SLC7A10: variants seen among roughly 807,000 people sequenced by gnomAD.
The protein encoded by SLC7A10 is asc-type amino acid transporter 1.
A neutral mutation model predicts 52.7 loss-of-function variants in SLC7A10; 30 were observed. That is an observed-to-expected ratio of 0.57 (90% confidence interval 0.43 to 0.77). SLC7A10 has a LOEUF of 0.77. Ranked by LOEUF, SLC7A10 falls within the 30% of genes least tolerant of loss-of-function variation. The pLI is 0.00. For missense variants in SLC7A10, 581 were observed against 698.5 expected (o/e 0.83, Z 1.90); for synonymous variants, 318 against 314.9 (o/e 1.01, Z -0.10).
Position 33,210,530 on chromosome 19 carries a change from G to A in SLC7A10, c.1200C>T (p.Gly400=), listed in dbSNP as rs202040789. Residue 400 remains glycine, a synonymous_variant, in exon 9 of 11, where the codon GGC becomes GGT. Transcript: ENST00000253188. This position sits in a 1 kb window ranked among gnomAD's most constrained non-coding sequence, Gnocchi z 5.6. ...YVSFINYLCY[G]VTILGLLLLR... is the part of the protein sequence containing the mutation. ...GCAGCAGCAGGCCCAGGATGGTGAC[G>A]CCGTAGCAGAGGTAGTTGATGAAGG... 5.0e-6 allele frequency: 8 copies of A among 1,611,030 alleles called. No individual in the cohort carries two copies. The highest frequency in any genetic ancestry group is 3.3e-5 in the South Asian group (3 of 91,074).
Position 33,225,778 on chromosome 19 carries a change from C to T in SLC7A10, c.-75G>A. 1.4e-6 allele frequency: 2 copies of T among 1,408,812 alleles called. No individual in the cohort carries two copies. Among genetic ancestry groups the T allele is most frequent in the Non-Finnish European group, 1.8e-6 (2 of 1,083,580 alleles). The allele number at this position is 1,408,812 out of a possible 1,614,324, so 87.3% of individuals were successfully genotyped here. A position where few individuals can be genotyped will look rare whatever the true frequency, so the allele number is the denominator to read the frequency against. On this transcript the variant is annotated 5_prime_UTR_variant, in exon 1 of 11. Coordinates refer to ENST00000253188, the MANE Select transcript of SLC7A10 (RefSeq NM_019849.3). ...CCGGCCGCCCGTCGGTCCGTCGGTC[C>T]GTGAGCTCACGGCCCTCGCAGCCGG...
At chr19:33,215,626 ATCCACCCCCCACACCTTCT>A in intron 2 of SLC7A10, 124 bp downstream of exon 2, 4 of 306,854 alleles carry the variant, frequency 1.3e-5, no homozygotes, top group Non-Finnish European at 1.4e-5. Context: ...CCTTCTCTCC[ATCCACCCCCCACACCTTCT>A]CTCCATCCAC....
At chr19:33,219,108 T>A (rs1252102407) in intron 1 of SLC7A10, among the ~76,000 whole-genome samples, 1 of 152,014 alleles carries the variant, frequency 6.6e-6, no homozygotes, top group Non-Finnish European at 1.5e-5. Flanking sequence ...CACGTTCCTG[T>A]CCACCCGGTG....
intron 2 of SLC7A10, among the ~76,000 whole-genome samples, chr19:33,215,338 C>T (rs1974648522): frequency 6.6e-6 from 1 of 151,876 alleles, no homozygotes; most frequent in South Asian, 2.1e-4. Flanking sequence ...TTCCTTGCTC[C>T]TCATGCAACA....
At chr19:33,225,424 C>CT in intron 1 of SLC7A10, 129 bp downstream of exon 1, 1 of 1,195,084 alleles carries the variant, frequency 8.4e-7, no homozygotes, top group South Asian at 1.3e-5. Context: ...ATAGCGCTCT[C>CT]TGAGGCCAGA....
chr19:33,225,687 T>G lies in SLC7A10; in HGVS notation c.17A>C (p.Gln6Pro). The change falls in exon 1 of 11, where the codon CAG (glutamine) becomes CCG (proline). Residue 6 changes from glutamine to proline, a missense_variant. Coordinates refer to ENST00000253188, the MANE Select transcript of SLC7A10 (RefSeq NM_019849.3). ...GGGGTTCCCGCGCCCGCTCGGCTGCTGCGTGTGGCCGGCCATGTCGCTGTC... is the reference window on the plus strand; with the variant it reads ...GGGGTTCCCGCGCCCGCTCGGCTGCGGCGTGTGGCCGGCCATGTCGCTGTC... MAGHT[Q>P]QPSGRGNPRP... 6.5e-7 allele frequency: 1 copy of G among 1,543,862 alleles called. No homozygotes were observed. The highest frequency in any genetic ancestry group is 1.9e-5 in the Admixed American group (1 of 53,060).
rs1363837676 is a variant in SLC7A10, at chr19:33,209,387, G to A, written c.1362C>T (p.Ile454=). 1 of 1,614,112 alleles carries A rather than the reference G, an allele frequency of 6.2e-7. No individual in the cohort carries two copies. Residue 454 remains isoleucine, a synonymous_variant, in exon 10 of 11, where the codon ATC becomes ATT. Transcript: ENST00000253188. ...AAATGGGCACCCCCGTAAGGATGATGATGACGCCGACCCCACAGACCATAG... is the reference window on the plus strand; with the variant it reads ...AAATGGGCACCCCCGTAAGGATGATAATGACGCCGACCCCACAGACCATAG... ...SEPMVCGVGV[I]IILTGVPIFF... is the part of the protein sequence containing the mutation.
rs139400823 is a variant in SLC7A10 at position 33,210,594 on chromosome 19, A to G, written c.1136T>C (p.Met379Thr). The change falls in exon 9 of 11, where the codon ATG (methionine) becomes ACG (threonine). Residue 379 changes from methionine (M) to threonine (T), a missense_variant. Met to Thr is a moderately conservative substitution (Grantham distance 81). Transcript: ENST00000253188. This position sits in a 1 kb window ranked among gnomAD's most constrained non-coding sequence, Gnocchi z 5.6. ...GAGCGTGTACGTGTCGCCCACGAGC[A>G]TGATGACGGCTGTGGCCCCGCACTG... The part of the protein sequence containing the change: ...LVCCGATAVI[M>T]LVGDTYTLIN... 1.9e-6 allele frequency: 3 copies of G among 1,611,968 alleles called. No individual in the cohort carries two copies. Among genetic ancestry groups the G allele is most frequent in the Admixed American group, 3.3e-5 (2 of 60,036 alleles).
chr19:33,216,019 G>T, intron 1 of SLC7A10, 46 bp from the exon 2 acceptor site: 13 of 1,481,734 alleles, frequency 8.8e-6, no homozygotes, highest in Non-Finnish European at 1.2e-5. Flanking sequence ...GGTCCCCTTC[G>T]CAGCCCGGCC....
intron 1 of SLC7A10, among the ~76,000 whole-genome samples, chr19:33,217,383 G>A (rs1379582549): frequency 6.6e-6 from 1 of 152,206 alleles, no homozygotes; most frequent in African/African-American, 2.4e-5. Flanking sequence ...TTCCCAGGAT[G>A]AGCAAGACTC....
At chr19:33,215,645 T>TCTCCATCCAGCCCCCACACCTTCC in intron 2 of SLC7A10, 124 bp downstream of exon 2, 2 of 549,164 alleles carry the variant, frequency 3.6e-6, no homozygotes, top group Non-Finnish European at 4.8e-6. Context: ...CCACACCTTC[T>TCTCCATCCAGCCCCCACACCTTCC]CTCCATCCAC....
In SLC7A10 at chr19:33,212,421, C is replaced by T. The variant is rs745688339; in HGVS notation, c.659G>A (p.Ser220Asn). ...CGTCATCCAGAAAGCAAAGGCATTGCTGGGCCTCAGCTCCTCGAAGTGTCC... is the reference window on the plus strand; with the variant it reads ...CGTCATCCAGAAAGCAAAGGCATTGTTGGGCCTCAGCTCCTCGAAGTGTCC... Reference protein sequence around the residue: ...FQGHFEELRPSNAFAFWMTPS... With the variant: ...FQGHFEELRPNNAFAFWMTPS... Residue 220 changes from serine (S) to asparagine (N), a missense_variant, in exon 5 of 11, where the codon AGC becomes AAC. Coordinates refer to ENST00000253188, the MANE Select transcript of SLC7A10 (RefSeq NM_019849.3). 2.5e-6 allele frequency: 4 copies of T among 1,613,938 alleles called. No individual in the cohort carries two copies. The highest frequency in any genetic ancestry group is 3.4e-6 in the Non-Finnish European group (4 of 1,180,038).
At chr19:33,225,419 GCTCT>G (rs1400840470) in intron 1 of SLC7A10, 130 bp downstream of exon 1, 5 of 1,121,786 alleles carry the variant, frequency 4.5e-6, no homozygotes, top group Admixed American at 4.0e-5. Context: ...CGGTCATAGC[GCTCT>G]CTGAGGCCAG....
At position 33,212,565 on chromosome 19, in the gene SLC7A10, G is replaced by T; in HGVS notation, c.583C>A (p.Leu195Met). Reference protein sequence around the residue: ...RIQDMFTGGKLLALSLIIGVG... With the variant: ...RIQDMFTGGKMLALSLIIGVG... The stretch of plus-strand genomic sequence containing the variant: ...CCGATGATGAGGGACAAGGCCAGCA[G>T]CTTCCCGCCTGTGAACATGTCCTGG... The change falls in exon 4 of 11, where the codon CTG (leucine) becomes ATG (methionine). Residue 195 changes from leucine to methionine, a missense_variant. Coordinates refer to ENST00000253188, the MANE Select transcript of SLC7A10 (RefSeq NM_019849.3). 6.2e-7 allele frequency: 1 copy of T among 1,614,036 alleles called. No homozygotes were observed. Among genetic ancestry groups the T allele is most frequent in the South Asian group, 1.1e-5 (1 of 91,092 alleles).
chr19:33,210,437 G>A lies in SLC7A10; in HGVS notation c.1263+30C>T, dbSNP rs199554575. On this transcript the variant is annotated intron_variant, in intron 9 of 10. Transcript: ENST00000253188. This position sits in a 1 kb window ranked among gnomAD's most constrained non-coding sequence, Gnocchi z 5.6. ...TGCAGGGGTGGCTCTGGCAGCACCCGGCACAGGGCCAGCTGTCCCAGGGCC... is the reference window on the plus strand; with the variant it reads ...TGCAGGGGTGGCTCTGGCAGCACCCAGCACAGGGCCAGCTGTCCCAGGGCC... 669 of 1,557,236 alleles carry A rather than the reference G, an allele frequency of 4.3e-4. No individual in the cohort carries two copies. In the African/African-American group the frequency reaches 7.6e-3, roughly 18 times the overall value.
intron 5 of SLC7A10, 108 bp from the exon 6 acceptor site, chr19:33,211,645 GAT>G: frequency 6.3e-7 from 1 of 1,589,130 alleles, no homozygotes; most frequent in Non-Finnish European, 8.5e-7. Context: ...GTCTGCTGGG[GAT>G]GTTGGGGCAG....
chr19:33,208,859 C>A lies in SLC7A10; in HGVS notation c.*32G>T. 1 of 1,594,592 alleles carries A rather than the reference C, an allele frequency of 6.3e-7. No individual in the cohort carries two copies. The highest frequency in any genetic ancestry group is 1.3e-5 in the African/African-American group (1 of 74,282). The stretch of plus-strand genomic sequence containing the variant: ...ACCTCCTCAATAAACAACATGTAAA[C>A]AGAAACAACTGCTTCAGTCTCTACA... On this transcript the variant is annotated 3_prime_UTR_variant, in exon 11 of 11. Transcript: ENST00000253188. This position sits in a 1 kb window ranked among gnomAD's most constrained non-coding sequence, Gnocchi z 4.7.
intron 1 of SLC7A10, chr19:33,220,728 T>C (rs1974794937): frequency 6.6e-6 from 1 of 152,210 alleles, no homozygotes. Context: ...CTTTCCGTGT[T>C]CAAAACGGAA....
chr19:33,211,115 G>A (rs895073059), intron 7 of SLC7A10, 110 bp downstream of exon 7: 2 of 1,136,514 alleles, frequency 1.8e-6, no homozygotes, highest in African/African-American at 3.1e-5. Flanking sequence ...CCCAGCTTCA[G>A]GCAGACCCCT....
Sources: gnomAD v4.1 joint callset for allele counts (sites outside exome capture counted in the v4.1 genomes callset) on GRCh38, gnomAD v4.1.1 for gene constraint, Gnocchi (gnomAD v3.1) non-coding constraint, MANE v1.5 for transcripts, NCBI Gene and HGNC (gene_info 2026-07-23, HGNC 2026-07-21) for gene names.